The following ARL6IP6 variants were observed in gnomAD, a reference collection of about 807,000 sequenced individuals.
ARL6IP6 encodes ADP-ribosylation factor-like protein 6-interacting protein 6.
In ARL6IP6, 22 loss-of-function variants were observed where a neutral mutation model predicts 21.5. That is an observed-to-expected ratio of 1.02 (90% CI 0.73 to 1.46). The LOEUF (loss-of-function observed/expected upper bound fraction) is 1.46. ARL6IP6 is among the 40% of genes most tolerant of loss of function. The pLI is 0.00. For missense variants in ARL6IP6, 388 were observed against 299.8 expected (o/e 1.29, Z -2.17); for synonymous variants, 164 against 125.3 (o/e 1.31, Z -2.06).
intron 2 of ARL6IP6, 73 bp downstream of exon 2, chr2:152,720,659 CTG>C: frequency 7.5e-7 from 1 of 1,334,426 alleles, no homozygotes; most frequent in Non-Finnish European, 1.1e-6. Context: ...TGAACTAACT[CTG>C]GGATAAAATA....
intron 3 of ARL6IP6, among the ~76,000 whole-genome samples, chr2:152,744,691 A>G (rs964482690): frequency 5.3e-5 from 8 of 152,130 alleles, no homozygotes; most frequent in African/African-American, 1.4e-4. Context: ...TCTGATCACT[A>G]TGAATTATCC....
intron 3 of ARL6IP6, among the ~76,000 whole-genome samples, chr2:152,741,950 TAAAGAA>T (rs1700830239): frequency 6.6e-6 from 1 of 152,206 alleles, no homozygotes; most frequent in African/African-American, 2.4e-5. Context: ...TTAACAGTGT[TAAAGAA>T]CAAGAGGCAG....
upstream of ARL6IP6, chr2:152,718,031 A>G: frequency 1.0e-6 from 1 of 994,240 alleles, no homozygotes; most frequent in Non-Finnish European, 1.2e-6. Flanking sequence ...AGGCGTGTCG[A>G]GTAGCGGGAG....
At chr2:152,722,673 C>T (rs747636828) in intron 2 of ARL6IP6, among the ~76,000 whole-genome samples, 4 of 152,080 alleles carry the variant, frequency 2.6e-5, no homozygotes, top group Non-Finnish European at 5.9e-5. Flanking sequence ...GAGGCCGAGG[C>T]GGGTGGATCA....
At chr2:152,728,970 A>C (rs1461739678) in intron 2 of ARL6IP6, among the ~76,000 whole-genome samples, 1 of 151,342 alleles carries the variant, frequency 6.6e-6, no homozygotes, top group Non-Finnish European at 1.5e-5. Flanking sequence ...AGGCAGGAGA[A>C]CTGCTTGAAC....
At chr2:152,745,806 G>A (rs1027673592) in intron 3 of ARL6IP6, among the ~76,000 whole-genome samples, 1 of 152,056 alleles carries the variant, frequency 6.6e-6, no homozygotes, top group Non-Finnish European at 1.5e-5. Flanking sequence ...CACTATTAAT[G>A]AATATATTGA....
upstream of ARL6IP6, chr2:152,718,342 G>T (rs146606779): frequency 2.8e-6 from 1 of 355,300 alleles, no homozygotes; most frequent in Non-Finnish European, 4.9e-6. Context: ...GCAGGGAGTG[G>T]ATACTCGACA....
chr2:152,725,706 A>G (rs1280865134), intron 2 of ARL6IP6, among the ~76,000 whole-genome samples: 1 of 152,152 alleles, frequency 6.6e-6, no homozygotes, highest in Admixed American at 6.5e-5. Flanking sequence ...TGTATCTGAA[A>G]TCTGGAAGTG....
upstream of ARL6IP6, chr2:152,718,186 G>T: frequency 1.7e-6 from 1 of 577,576 alleles, no homozygotes; most frequent in Non-Finnish European, 2.2e-6. Flanking sequence ...GAAGGGAGAA[G>T]ACAAATAGGT....
chr2:152,718,804 G>A lies in ARL6IP6; in HGVS notation c.180G>A (p.Ser60=). 2.5e-6 allele frequency: 4 copies of A among 1,607,288 alleles called. No homozygotes were observed. Among genetic ancestry groups the A allele is most frequent in the Non-Finnish European group, 3.4e-6 (4 of 1,176,790 alleles). ...CCCGCGACCTGCGGGCGGAGTTCTCGGCTGGGGCGTGGTCAGAGCCCAGAA... is the reference window on the plus strand; with the variant it reads ...CCCGCGACCTGCGGGCGGAGTTCTCAGCTGGGGCGTGGTCAGAGCCCAGAA... The part of the protein sequence containing the change: ...QVARDLRAEF[S]AGAWSEPRKR... Residue 60 remains serine, a synonymous_variant, in exon 1 of 4, where the codon TCG becomes TCA. Coordinates refer to ENST00000326446, the MANE Select transcript of ARL6IP6 (RefSeq NM_152522.7).
At chr2:152,737,311 A>T (rs1384245076) in intron 3 of ARL6IP6, among the ~76,000 whole-genome samples, 2 of 152,126 alleles carry the variant, frequency 1.3e-5, no homozygotes, top group South Asian at 4.1e-4. Flanking sequence ...TTAACCTTAT[A>T]AGTGTAAGAA....
chr2:152,746,235 C>T (rs990094025), intron 3 of ARL6IP6, among the ~76,000 whole-genome samples: 1 of 152,042 alleles, frequency 6.6e-6, no homozygotes, highest in Non-Finnish European at 1.5e-5. Flanking sequence ...CCATGTTGCC[C>T]TAGCTGGTCT....
At chr2:152,746,713 T>C (rs1170002149) in intron 3 of ARL6IP6, among the ~76,000 whole-genome samples, 1 of 151,728 alleles carries the variant, frequency 6.6e-6, no homozygotes, top group Admixed American at 6.6e-5. Context: ...GTGTCAGAGG[T>C]TTTCTTTTCT....
At chr2:152,725,681 G>C (rs993345557) in intron 2 of ARL6IP6, among the ~76,000 whole-genome samples, 1 of 151,866 alleles carries the variant, frequency 6.6e-6, no homozygotes, top group Admixed American at 6.6e-5. Flanking sequence ...ATGACAAGCT[G>C]TAACCAATTT....
chr2:152,739,281 A>G (rs529956301), intron 3 of ARL6IP6, among the ~76,000 whole-genome samples: 10 of 152,036 alleles, frequency 6.6e-5, no homozygotes, highest in East Asian at 3.9e-4. Flanking sequence ...CACCGCACCC[A>G]GCCAAAACTG....
chr2:152,718,010 C>T, upstream of ARL6IP6: 1 of 993,184 alleles, frequency 1.0e-6, no homozygotes, highest in Non-Finnish European at 1.2e-6. Context: ...AGAGCGCGCG[C>T]CTGGGGAAGG....
At position 152,728,856 on chromosome 2, in the gene ARL6IP6, C is replaced by G. The variant is rs547132686; in HGVS notation, c.455-6138C>G. Among the ~76,000 whole-genome samples, 27 of 152,192 alleles carry G rather than the reference C, an allele frequency of 1.8e-4. No individual in the cohort carries two copies. In the South Asian group the frequency reaches 5.6e-3, roughly 32 times the overall value. On this transcript the variant is annotated intron_variant, in intron 2 of 3. Transcript: ENST00000326446. ...CAGGCGGATCATGAGGTCAAGAGAT[C>G]AAGACCAGCCTGGCCAACATGGTGA...
At chr2:152,718,595 T>G, upstream of ARL6IP6, 1 of 1,500,948 alleles carries the variant, frequency 6.7e-7, no homozygotes. Context: ...GAGAGGCTCG[T>G]TCTCCGCGGG....
At chr2:152,717,898 A>G (rs937780844), upstream of ARL6IP6, 12 of 1,010,396 alleles carry the variant, frequency 1.2e-5, no homozygotes, top group South Asian at 4.5e-4. Flanking sequence ...GGTGGCTGGG[A>G]CCGAATGCGC....
Sources: gnomAD v4.1 joint callset for allele counts (sites outside exome capture counted in the v4.1 genomes callset) on GRCh38, gnomAD v4.1.1 for gene constraint, MANE v1.5 for transcripts, NCBI Gene and HGNC (gene_info 2026-07-23, HGNC 2026-07-21) for gene names.